Variants in NCKAP5 observed in about 807,000 individuals in gnomAD.
NCKAP5 encodes the protein nck-associated protein 5.
A neutral mutation model predicts 167.0 loss-of-function variants in NCKAP5; 92 were observed. The observed-to-expected ratio is 0.55, with a 90% CI of 0.47 to 0.66. NCKAP5 has a LOEUF of 0.66. NCKAP5 is among the 30% of genes least tolerant of loss of function. NCKAP5 has a pLI of 0.00. For missense variants in NCKAP5, 2,378 were observed against 2,315.0 expected (o/e 1.03, Z -0.56); for synonymous variants, 891 against 877.4 (o/e 1.02, Z -0.27).
intron 16 of NCKAP5, among the ~76,000 whole-genome samples, chr2:132,756,623 G>T (rs1321202361): frequency 1.3e-5 from 2 of 152,044 alleles, no homozygotes; most frequent in Non-Finnish European, 2.9e-5. Flanking sequence ...AATTTAGGTT[G>T]TATAGGAAAG....
the NCKAP5 span, among the ~76,000 whole-genome samples, chr2:133,628,022 C>T: frequency 6.6e-6 from 1 of 152,104 alleles, no homozygotes; most frequent in African/African-American, 2.4e-5. Context: ...TATGACAAAC[C>T]CACAACCAAT....
intron 3 of NCKAP5, among the ~76,000 whole-genome samples, chr2:133,425,785 A>G (rs1689755706): frequency 6.6e-6 from 1 of 152,220 alleles, no homozygotes; most frequent in African/African-American, 2.4e-5. Context: ...ATGTAAATGG[A>G]TATTTGGTAT....
chr2:133,131,291 G>C (rs1376417129), intron 5 of NCKAP5, among the ~76,000 whole-genome samples: 1 of 152,166 alleles, frequency 6.6e-6, no homozygotes, highest in Non-Finnish European at 1.5e-5. Context: ...TCTCTCGGTT[G>C]AAAGCCTAGG....
rs952767755 is a variant in NCKAP5, at chr2:133,501,821, T to C, written c.69+15637A>G. Among the ~76,000 whole-genome samples the C allele has an allele frequency of 3.9e-5, 6 of 152,356 alleles. 1 individual carries two copies. The highest frequency in any genetic ancestry group is 1.2e-4 in the African/African-American group (5 of 41,586). On this transcript the variant is annotated intron_variant, in intron 3 of 19. Coordinates refer to ENST00000409261, the MANE Select transcript of NCKAP5 (RefSeq NM_207363.3). Reference sequence around the variant, plus strand: ...GTGAATCTCATTCAAGTGAGAAACCTTACTCTATTCAATTTTTCATGAATT... The same window carrying C: ...GTGAATCTCATTCAAGTGAGAAACCCTACTCTATTCAATTTTTCATGAATT...
chr2:132,725,604 C>T (rs1217105489), intron 19 of NCKAP5, 23 bp downstream of exon 19: 1 of 1,598,300 alleles, frequency 6.3e-7, no homozygotes, highest in Non-Finnish European at 8.5e-7. Context: ...ACCTGCAGGG[C>T]CAGCAAGTTC....
intron 11 of NCKAP5, among the ~76,000 whole-genome samples, chr2:132,849,506 G>C (rs1434922528): frequency 3.3e-5 from 5 of 152,108 alleles, no homozygotes; most frequent in African/African-American, 1.2e-4. Flanking sequence ...CATTCACTCA[G>C]ACCACAGTTT....
At chr2:133,004,856 T>A (rs2077907731) in intron 6 of NCKAP5, among the ~76,000 whole-genome samples, 1 of 152,144 alleles carries the variant, frequency 6.6e-6, no homozygotes, top group Non-Finnish European at 1.5e-5. Context: ...GAGCAGCCAT[T>A]TTAGAGACCT....
At chr2:133,074,771 G>A (rs2149569454) in intron 6 of NCKAP5, among the ~76,000 whole-genome samples, 1 of 152,242 alleles carries the variant, frequency 6.6e-6, no homozygotes, top group Admixed American at 6.5e-5. Context: ...TAAACTTAAA[G>A]ATGGATGAAT....
chr2:132,789,598 C>T (rs913110090), intron 13 of NCKAP5, among the ~76,000 whole-genome samples: 1 of 152,148 alleles, frequency 6.6e-6, no homozygotes, highest in South Asian at 2.1e-4. Context: ...TTTTCTCCAA[C>T]ATTAGGGAAT....
At chr2:133,031,929 G>C (rs2078893912) in intron 6 of NCKAP5, among the ~76,000 whole-genome samples, 2 of 152,030 alleles carry the variant, frequency 1.3e-5, no homozygotes, top group Admixed American at 1.3e-4. Context: ...TTTGTTAACT[G>C]AAAAGTCCCT....
chr2:132,801,696 C>T (rs1685048748), intron 11 of NCKAP5, among the ~76,000 whole-genome samples: 1 of 152,216 alleles, frequency 6.6e-6, no homozygotes, highest in Admixed American at 6.5e-5. Flanking sequence ...AGTGCCTGGA[C>T]TATACATTGG....
chr2:132,740,505 C>T (rs1356623012), intron 16 of NCKAP5, among the ~76,000 whole-genome samples: 1 of 152,088 alleles, frequency 6.6e-6, no homozygotes, highest in Non-Finnish European at 1.5e-5. Context: ...TGTTAGTGAT[C>T]CATTCTAAGT....
intron 3 of NCKAP5, among the ~76,000 whole-genome samples, chr2:133,368,267 A>AT (rs962665398): frequency 1.3e-5 from 2 of 152,126 alleles, no homozygotes; most frequent in African/African-American, 4.8e-5. Flanking sequence ...GCCAAAAACT[A>AT]TTTTTTTCTA....
At chr2:132,738,694 T>G (rs1052803315) in intron 16 of NCKAP5, among the ~76,000 whole-genome samples, 1 of 152,116 alleles carries the variant, frequency 6.6e-6, no homozygotes, top group Non-Finnish European at 1.5e-5. Context: ...AGAGATATAT[T>G]TCATAATTCT....
At chr2:132,760,072 T>G (rs1680873083) in intron 16 of NCKAP5, among the ~76,000 whole-genome samples, 1 of 152,134 alleles carries the variant, frequency 6.6e-6, no homozygotes, top group African/African-American at 2.4e-5. Flanking sequence ...ATAAGGACAT[T>G]ACTTGCTTAA....
At chr2:133,213,809 A>T (rs372210159) in intron 4 of NCKAP5, 30 bp from the exon 5 acceptor site, 16 of 1,611,194 alleles carry the variant, frequency 9.9e-6, no homozygotes, top group Non-Finnish European at 1.3e-5. Flanking sequence ...TGATTAGTTG[A>T]CCATTCTCAG....
chr2:132,833,631 A>G (rs1447637227), intron 11 of NCKAP5, among the ~76,000 whole-genome samples: 15 of 152,150 alleles, frequency 9.9e-5, no homozygotes, highest in Admixed American at 2.0e-4. Context: ...TCTTTATCCA[A>G]TGCATGCTCT....
chr2:133,616,919 C>A, the NCKAP5 span, among the ~76,000 whole-genome samples: 1 of 152,184 alleles, frequency 6.6e-6, no homozygotes, highest in African/African-American at 2.4e-5. Context: ...TACTGGCAAA[C>A]CGAATTCAGC....
chr2:133,485,634 A>C (rs571838501), intron 3 of NCKAP5, among the ~76,000 whole-genome samples: 1 of 152,310 alleles, frequency 6.6e-6, no homozygotes, highest in South Asian at 2.1e-4. Context: ...AAAGTGTTTC[A>C]TGGCCACAAA....
Sources: allele counts gnomAD v4.1 joint callset (sites outside exome capture counted in the v4.1 genomes callset), GRCh38; gene constraint gnomAD v4.1.1; transcripts MANE v1.5; gene names NCBI Gene and HGNC (gene_info 2026-07-23, HGNC 2026-07-21).